The following EIF3A variants were observed in gnomAD, a reference collection of about 807,000 sequenced individuals.
EIF3A encodes eukaryotic translation initiation factor 3 subunit A.
In EIF3A, 21 loss-of-function variants were observed where a neutral mutation model predicts 186.6. The ratio of observed to expected loss-of-function variants is 0.11; its 90% CI spans 0.08 to 0.16. The LOEUF (loss-of-function observed/expected upper bound fraction) is 0.16, where lower values mean the gene tolerates loss of function less well. Among genes scored for constraint, EIF3A ranks in the 10% least tolerant of loss-of-function variants. The probability of loss-of-function intolerance (pLI) is 1.00; values close to 1 mark genes in which losing one functional copy is unlikely to be tolerated. For missense variants in EIF3A, 1,306 were observed against 1,796.3 expected (o/e 0.73, Z 4.93); for synonymous variants, 563 against 584.3 (o/e 0.96, Z 0.52).
intron 14 of EIF3A, among the ~76,000 whole-genome samples, chr10:119,053,753 A>G (rs1848389692): frequency 6.6e-6 from 1 of 152,146 alleles, no homozygotes; most frequent in Non-Finnish European, 1.5e-5. Flanking sequence ...GTTTAAGTGT[A>G]GCCACCTTCA....
chr10:119,044,252 A>C, intron 17 of EIF3A, 110 bp from the exon 18 acceptor site: 3 of 736,658 alleles, frequency 4.1e-6, no homozygotes, highest in South Asian at 1.7e-5. Flanking sequence ...TGAAGCCCTT[A>C]AATAAGCAAG....
intron 6 of EIF3A, among the ~76,000 whole-genome samples, chr10:119,066,505 CAAAAAAAAAAAAAAAAAAAAAAA>C (rs71016533): frequency 2.1e-5 from 1 of 47,466 alleles, no homozygotes. Context: ...TTAAGACTGT[CAAAAAAAAAAAAAAAAAAAAAAA>C]AAAAAAAAAA....
rs1263075905 is a variant in EIF3A, at chr10:119,070,943, C to T, written c.684G>A (p.Met228Ile). Residue 228 changes from methionine to isoleucine, a missense_variant, in exon 5 of 22, where the codon ATG becomes ATA. Met to Ile is a conservative substitution (Grantham distance 10). Transcript: ENST00000369144. The stretch of plus-strand genomic sequence containing the variant: ...GCTGAACAAGTCTGGTTTCCAAATG[C>T]ATGGACTGGCTCTCTGGATTATTAA... ...INLNNPESQS[M>I]HLETRLVQLD... 6.2e-7 allele frequency: 1 copy of T among 1,614,062 alleles called. No individual in the cohort carries two copies. Among genetic ancestry groups the T allele is most frequent in the Admixed American group, 1.7e-5 (1 of 60,028 alleles).
At position 119,050,807 on chromosome 10, in the gene EIF3A, ACT is replaced by A. The variant is rs1848346611; in HGVS notation, c.2320-135_2320-134del. 4.2e-6 allele frequency: 4 copies of A among 944,964 alleles called. No individual in the cohort carries two copies. In the African/African-American group the frequency reaches 6.7e-5, roughly 16 times the overall value. The allele number at this position is 944,964 out of a possible 1,614,324, so 58.5% of individuals were successfully genotyped here. On this transcript the variant is annotated intron_variant, in intron 15 of 21. Coordinates refer to ENST00000369144, the MANE Select transcript of EIF3A (RefSeq NM_003750.4). ...TCGAAAGCAACCTCTCAGCACAAAA[ACT>A]CTAACTTCCAAATGACCATTAACTT...
At chr10:119,080,031 G>A (rs958005017) in intron 1 of EIF3A, among the ~76,000 whole-genome samples, 19 of 152,340 alleles carry the variant, frequency 1.2e-4, no homozygotes, top group African/African-American at 3.8e-4. Context: ...GGTTAAATGG[G>A]TCAGAGGCCC....
rs558745534 is a variant in EIF3A at position 119,038,953 on chromosome 10, C to T, written c.3527-514G>A. On this transcript the variant is annotated intron_variant, in intron 19 of 21. Transcript: ENST00000369144. ...ACAAACAGGAAAAGAAAAAAAAATA[C>T]CAAAAACCTTAAATGATCTGTGTTA... Among the ~76,000 whole-genome samples the T allele has an allele frequency of 3.0e-4, 46 of 152,024 alleles. 2 individuals are homozygous for T. The highest frequency in any genetic ancestry group is 2.9e-4 in the Non-Finnish European group (20 of 67,996).
rs1424206045 is a variant in EIF3A, at chr10:119,034,042, A to G, written c.*1997T>C. On this transcript the variant is annotated 3_prime_UTR_variant, in exon 22 of 22. Transcript: ENST00000369144. The stretch of plus-strand genomic sequence containing the variant: ...TGTATTAACAGCAATGTTACTCTCA[A>G]TGAAACTGCAGAAGCCACCATGAAC... The G allele has an allele frequency of 1.8e-5, 3 of 167,102 alleles. No homozygotes were observed. The highest frequency in any genetic ancestry group is 1.3e-4 in the Admixed American group (2 of 15,286). 10.4% of individuals were successfully genotyped at this position (167,102 alleles called of 1,614,324 possible). A position where few individuals can be genotyped will look rare whatever the true frequency, so the allele number is the denominator to read the frequency against.
At chr10:119,049,165 A>G (rs1369050895) in intron 17 of EIF3A, among the ~76,000 whole-genome samples, 2 of 152,134 alleles carry the variant, frequency 1.3e-5, no homozygotes, top group African/African-American at 4.8e-5. Context: ...CATTAAAAAG[A>G]GCGGTGAAAA....
chr10:119,049,690 G>T, intron 17 of EIF3A, 111 bp downstream of exon 17: 1 of 865,880 alleles, frequency 1.2e-6, no homozygotes, highest in Non-Finnish European at 1.8e-6. Context: ...GGCTGAGATT[G>T]CACCACTGTA....
chr10:119,062,302 T>C (rs1318219513), intron 7 of EIF3A, among the ~76,000 whole-genome samples: 10 of 152,224 alleles, frequency 6.6e-5, no homozygotes, highest in African/African-American at 2.4e-4. Context: ...AAGGCTGCCA[T>C]AATCTACTAA....
intron 6 of EIF3A, among the ~76,000 whole-genome samples, chr10:119,067,961 C>T (rs1014148908): frequency 6.6e-6 from 1 of 152,104 alleles, no homozygotes; most frequent in Non-Finnish European, 1.5e-5. Flanking sequence ...CAGGCGTGCA[C>T]CACCACACCC....
chr10:119,079,863 C>T (rs1844234793), intron 1 of EIF3A, among the ~76,000 whole-genome samples: 1 of 152,224 alleles, frequency 6.6e-6, no homozygotes. Context: ...GGGGAAACCT[C>T]TCTCTAGGCC....
rs1309800619 is a variant in EIF3A, at chr10:119,057,029, T to C, written c.1989A>G (p.Glu663=). The C allele has an allele frequency of 1.1e-5, 17 of 1,603,828 alleles. No homozygotes were observed. The highest frequency in any genetic ancestry group is 2.2e-5 in the East Asian group (1 of 44,794). The change falls in exon 13 of 22, where the codon GAA becomes GAG. Residue 663 remains glutamate (E), a synonymous_variant. Coordinates refer to ENST00000369144, the MANE Select transcript of EIF3A (RefSeq NM_003750.4). ...TAGCCATGATAAAATCTGGATCCAA[T>C]TCCTCAAGGTCCTGAAAGGTAATAC... ...FKDIDIEDLE[E]LDPDFIMAKQ...
intron 7 of EIF3A, among the ~76,000 whole-genome samples, chr10:119,062,011 C>A (rs1266813944): frequency 2.6e-5 from 4 of 152,122 alleles, no homozygotes; most frequent in Non-Finnish European, 4.4e-5. Context: ...CAGATCGCAT[C>A]CCCAAGCAAG....
At position 119,056,774 on chromosome 10, in the gene EIF3A, T is replaced by A. The variant is rs944297632; in HGVS notation, c.2162A>T (p.Asp721Val). ...KSAYEEQRIK[D>V]MDLWEQQEEE... is the part of the protein sequence containing the mutation. ...CTCTTGTTGCTCCCACAGATCCATG[T>A]CTTTAATTCTCTGTTCCTCGTAAGC... The change falls in exon 14 of 22, where the codon GAC becomes GTC. Residue 721 changes from aspartate to valine, a missense_variant. Asp to Val is a radical substitution (Grantham distance 152, BLOSUM62 -3). This residue lies in a region of EIF3A where 94 missense variants were observed against 204.9 expected (regional missense o/e 0.46). Transcript: ENST00000369144. 1.1e-5 allele frequency: 18 copies of A among 1,612,650 alleles called. No homozygotes were observed. Among genetic ancestry groups the A allele is most frequent in the Non-Finnish European group, 1.3e-5 (15 of 1,179,014 alleles).
chr10:119,060,927 A>G, intron 8 of EIF3A, 83 bp from the exon 9 acceptor site: 1 of 891,144 alleles, frequency 1.1e-6, no homozygotes, highest in African/African-American at 1.7e-5. Context: ...TTTTTTTAAT[A>G]TACAAAAACA....
Position 119,037,254 on chromosome 10 carries a change from A to G in EIF3A, c.3784T>C (p.Ser1262Pro). 1.2e-6 allele frequency: 2 copies of G among 1,613,958 alleles called. No individual in the cohort carries two copies. The highest frequency in any genetic ancestry group is 1.7e-6 in the Non-Finnish European group (2 of 1,179,998). ...PAEESSSWRD[S>P]SRRDDRDRDD... The stretch of plus-strand genomic sequence containing the variant: ...CTATCCCTATCGTCCCGGCGACTTG[A>G]GTCTCTCCAGCTTGAAGATTCCTCA... Residue 1262 changes from serine to proline, a missense_variant, in exon 21 of 22, where the codon TCA becomes CCA. Ser to Pro is a moderately conservative substitution (Grantham distance 74). This residue lies in a region of EIF3A where 331 missense variants were observed against 365.8 expected (regional missense o/e 0.90). Transcript: ENST00000369144.
At chr10:119,038,506 G>A in intron 19 of EIF3A, 67 bp from the exon 20 acceptor site, 1 of 1,287,876 alleles carries the variant, frequency 7.8e-7, no homozygotes, top group Non-Finnish European at 1.1e-6. Context: ...TGGCAATCAT[G>A]AATAGACGTT....
At position 119,072,024 on chromosome 10, in the gene EIF3A, C is replaced by CAAAAA. The variant is rs56100757; in HGVS notation, c.541+861_541+865dup. Among the ~76,000 whole-genome samples, 171 of 58,714 alleles carry CAAAAA rather than the reference C, an allele frequency of 2.9e-3. 2 individuals carry two copies. Among genetic ancestry groups the CAAAAA allele is most frequent in the Middle Eastern group, 0.036 (2 of 56 alleles). The allele number at this position is 58,714 out of a possible 152,430, so 38.5% of individuals were successfully genotyped here. On this transcript the variant is annotated intron_variant, in intron 4 of 21. Coordinates refer to ENST00000369144, the MANE Select transcript of EIF3A (RefSeq NM_003750.4). ...TGGGCCACAGAGCAAGACTCTGTCT[C>CAAAAA]AAAAAAAAAAAAAAAAAAAAAAGAA...
Sources: gnomAD v4.1 joint callset for allele counts (sites outside exome capture counted in the v4.1 genomes callset) on GRCh38, gnomAD v4.1.1 for gene constraint, gnomAD v4.1.1 regional missense constraint, MANE v1.5 for transcripts, NCBI Gene and HGNC (gene_info 2026-07-23, HGNC 2026-07-21) for gene names.